TATDN2: variants seen among roughly 807,000 people sequenced by gnomAD.
The protein encoded by TATDN2 is TatD DNase domain containing 2.
Under a neutral mutation model 60.3 loss-of-function variants are expected in TATDN2, and 44 were observed. The observed-to-expected ratio is 0.73, with a 90% CI of 0.57 to 0.94. TATDN2 has a LOEUF of 0.94. Ranked by LOEUF, TATDN2 falls within the 40% of genes least tolerant of loss-of-function variation. The probability of loss-of-function intolerance (pLI) is 0.00; values close to 1 mark genes in which losing one functional copy is unlikely to be tolerated. For missense variants in TATDN2, 997 were observed against 948.0 expected, an observed-to-expected ratio of 1.05 and a Z score of -0.68; for synonymous variants, 399 against 355.8, an observed-to-expected ratio of 1.12 and a Z score of -1.37.
In TATDN2 at chr3:10,270,893, T is replaced by G. The variant is rs762926532; in HGVS notation, c.1711T>G (p.Tyr571Asp). ...CTGTCACCCTCATTTTGCACGTTAC[T>G]ACAGTGAGAGTCAAGAAAGAAATCT... ...FGCHPHFARY[Y>D]SESQERNLLQ... The change falls in exon 4 of 8, where the codon TAC becomes GAC. Residue 571 changes from tyrosine (Y) to aspartate (D), a missense_variant. Transcript: ENST00000448281. 8.7e-6 allele frequency: 14 copies of G among 1,614,068 alleles called. No homozygotes were observed. The highest frequency in any genetic ancestry group is 2.7e-5 in the African/African-American group (2 of 74,916).
intron 3 of TATDN2, 121 bp downstream of exon 3, chr3:10,260,791 C>T: frequency 8.3e-7 from 1 of 1,208,216 alleles, no homozygotes; most frequent in Admixed American, 2.7e-5. Context: ...ACCAGGCCTC[C>T]AGGGAACAAA....
intron 2 of TATDN2, among the ~76,000 whole-genome samples, chr3:10,256,147 C>T (rs1012256298): frequency 1.3e-5 from 2 of 152,074 alleles, no homozygotes; most frequent in East Asian, 1.9e-4. Flanking sequence ...AGGAGGCAGA[C>T]GTTCTTGTGT....
chr3:10,258,680 G>A (rs1330767592), intron 2 of TATDN2, among the ~76,000 whole-genome samples: 3 of 151,954 alleles, frequency 2.0e-5, no homozygotes, highest in Non-Finnish European at 4.4e-5. Flanking sequence ...ATGTTGGCCA[G>A]GCTGGTCTCG....
At position 10,269,400 on chromosome 3, in the gene TATDN2, G is replaced by A. The variant is rs542070523; in HGVS notation, c.949-731G>A. On this transcript the variant is annotated intron_variant, in intron 3 of 7. Transcript: ENST00000448281. Reference sequence around the variant, plus strand: ...AATGGGGAGAAGGGTTAAATAATTCGGGGACACGTTTAAAAACTGTCACAA... The same window carrying A: ...AATGGGGAGAAGGGTTAAATAATTCAGGGACACGTTTAAAAACTGTCACAA... Among the ~76,000 whole-genome samples the A allele has an allele frequency of 2.5e-4, 38 of 152,286 alleles. 1 individual carries two copies. The East Asian group carries it at 5.4e-3, about 22-fold the overall frequency.
At chr3:10,257,293 A>T (rs955193101) in intron 2 of TATDN2, among the ~76,000 whole-genome samples, 1 of 121,612 alleles carries the variant, frequency 8.2e-6, no homozygotes, top group Non-Finnish European at 1.7e-5. Context: ...TCAAAAAAAA[A>T]TTATATATAT....
chr3:10,262,940 A>G (rs6781468), intron 3 of TATDN2, among the ~76,000 whole-genome samples: 129,609 of 152,048 alleles, frequency 0.85, 55,774 homozygotes, highest in East Asian at 1. Flanking sequence ...TTGCTCTGTC[A>G]CCCAGGTTGG....
intron 2 of TATDN2, among the ~76,000 whole-genome samples, chr3:10,251,541 G>A (rs1401996562): frequency 1.3e-5 from 2 of 151,546 alleles, no homozygotes; most frequent in Admixed American, 6.6e-5. Flanking sequence ...GTGCGCTACC[G>A]TGCCCAGCTG....
At chr3:10,262,527 C>CATTT (rs1698421141) in intron 3 of TATDN2, among the ~76,000 whole-genome samples, 1 of 59,976 alleles carries the variant, frequency 1.7e-5, no homozygotes, top group Non-Finnish European at 2.9e-5. Flanking sequence ...TTCTTCTGGG[C>CATTT]TTTTTTTTTT....
chr3:10,249,481 G>A lies in TATDN2; in HGVS notation c.281G>A (p.Gly94Asp). 1 of 1,613,600 alleles carries A rather than the reference G, an allele frequency of 6.2e-7. No homozygotes were observed. Among genetic ancestry groups the A allele is most frequent in the Non-Finnish European group, 8.5e-7 (1 of 1,179,824 alleles). The change falls in exon 2 of 8, where the codon GGC (glycine) becomes GAC (aspartate). Residue 94 changes from glycine (G) to aspartate (D), a missense_variant. By Grantham distance (94) the Gly-to-Asp change is moderately conservative. Transcript: ENST00000448281. ...CCACATTTCTTGGGCCCTGGTGTGG[G>A]CGGGGCCGCCTCCAAAGGCTGCCTG... is the stretch of plus-strand genomic sequence containing the variant. ...FSPHFLGPGV[G>D]GAASKGCLIR...
chr3:10,269,622 G>A (rs1330104544), intron 3 of TATDN2, among the ~76,000 whole-genome samples: 2 of 152,018 alleles, frequency 1.3e-5, no homozygotes, highest in African/African-American at 4.8e-5. Flanking sequence ...GATTACTTGA[G>A]CCCAGTAGTT....
intron 2 of TATDN2, among the ~76,000 whole-genome samples, chr3:10,257,292 A>ATT: frequency 7.0e-6 from 1 of 143,724 alleles, no homozygotes; most frequent in East Asian, 2.1e-4. Flanking sequence ...CTCAAAAAAA[A>ATT]ATTATATATA....
Position 10,270,638 on chromosome 3 carries a change from C to A in TATDN2, c.1456C>A (p.His486Asn). The change falls in exon 4 of 8, where the codon CAC (histidine) becomes AAC (asparagine). Residue 486 changes from histidine (H) to asparagine (N), a missense_variant. Transcript: ENST00000448281. ...GHASSSLPKS[H>N]LEPSLEEGFI... The stretch of plus-strand genomic sequence containing the variant: ...CGCATCCAGCTCCCTGCCAAAGAGC[C>A]ACCTGGAGCCAAGCCTAGAGGAGGG... 6.2e-7 allele frequency: 1 copy of A among 1,614,216 alleles called. No homozygotes were observed. The highest frequency in any genetic ancestry group is 1.1e-5 in the South Asian group (1 of 91,084).
Position 10,257,294 on chromosome 3 carries a change from T to TTATATATATATATA in TATDN2, c.415-2837_415-2824dup, listed in dbSNP as rs3072531. On this transcript the variant is annotated intron_variant, in intron 2 of 7. Transcript: ENST00000448281. ...AGTGAGATTTTGCCTCAAAAAAAAA[T>TTATATATATATATA]TATATATATATATATATATGAATTC... Among the ~76,000 whole-genome samples the TTATATATATATATA allele has an allele frequency of 7.5e-3, 1,007 of 133,530 alleles. 13 individuals carry two copies. Among genetic ancestry groups the TTATATATATATATA allele is most frequent in the African/African-American group, 0.023 (830 of 35,542 alleles). 87.6% of individuals were successfully genotyped at this position (133,530 alleles called of 152,430 possible). A position where few individuals can be genotyped will look rare whatever the true frequency, so the allele number is the denominator to read the frequency against.
intron 2 of TATDN2, among the ~76,000 whole-genome samples, chr3:10,258,690 G>A (rs934459627): frequency 2.0e-5 from 3 of 151,814 alleles, no homozygotes; most frequent in East Asian, 1.9e-4. Context: ...GGCTGGTCTC[G>A]AACTCCTGAT....
In TATDN2 at chr3:10,278,146, C is replaced by G; in HGVS notation, c.1962-133C>G. The G allele has an allele frequency of 1.9e-6, 2 of 1,050,044 alleles. No individual in the cohort carries two copies. Among genetic ancestry groups the G allele is most frequent in the Non-Finnish European group, 2.8e-6 (2 of 717,194 alleles). 65.0% of individuals were successfully genotyped at this position (1,050,044 alleles called of 1,614,324 possible). The stretch of plus-strand genomic sequence containing the variant: ...TGGAGCCAGCCCTTGTCTGTGTTTA[C>G]TGTGGAGTCCTTCCCTAGGATGCAG... On this transcript the variant is annotated intron_variant, in intron 5 of 7. Transcript: ENST00000448281. The surrounding 1 kb of genome is among the most constrained non-coding windows in gnomAD (Gnocchi z 4.7).
rs1461443702 is a variant in TATDN2 at position 10,272,434 on chromosome 3, C to T, written c.1833+1419C>T. Reference sequence around the variant, plus strand: ...GATTACAGGTGCCTGCCACCACACCCGGCTAATTTTTTTTTTTTTTTAAGG... The same window carrying T: ...GATTACAGGTGCCTGCCACCACACCTGGCTAATTTTTTTTTTTTTTTAAGG... On this transcript the variant is annotated intron_variant, in intron 4 of 7. Coordinates refer to ENST00000448281, the MANE Select transcript of TATDN2 (RefSeq NM_014760.4). Among the ~76,000 whole-genome samples, 8 of 129,582 alleles carry T rather than the reference C, an allele frequency of 6.2e-5. No homozygotes were observed. In the East Asian group the frequency reaches 1.5e-3, roughly 24 times the overall value. 85.0% of individuals were successfully genotyped at this position (129,582 alleles called of 152,430 possible).
In TATDN2 at chr3:10,273,525, G is replaced by A. The variant is rs542674980; in HGVS notation, c.1833+2510G>A. Among the ~76,000 whole-genome samples, 29 of 152,172 alleles carry A rather than the reference G, an allele frequency of 1.9e-4. No individual in the cohort carries two copies. The East Asian group carries it at 5.2e-3, about 27-fold the overall frequency. ...TAATCCCAACACTTTGGGAGTCTGA[G>A]GCAGGAGATTGCTTGAGCCTAGGAG... On this transcript the variant is annotated intron_variant, in intron 4 of 7. Transcript: ENST00000448281.
rs983106679 is a variant in TATDN2 at position 10,248,878 on chromosome 3, C to T, written c.-196C>T. 3.0e-6 allele frequency: 1 copy of T among 334,374 alleles called. No individual in the cohort carries two copies. The highest frequency in any genetic ancestry group is 1.4e-4 in the South Asian group (1 of 7,376). The allele number at this position is 334,374 out of a possible 1,614,324, so 20.7% of individuals were successfully genotyped here. On this transcript the variant is annotated 5_prime_UTR_variant, in exon 1 of 8. Transcript: ENST00000448281. The stretch of plus-strand genomic sequence containing the variant: ...AAACTGATCAAAGCGCTTCGTAGCC[C>T]CGGAAGCGCTTAGGCATCTCCGAAG...
Position 10,249,928 on chromosome 3 carries a change from G to C in TATDN2, c.414+314G>C, listed in dbSNP as rs1000569520. The stretch of plus-strand genomic sequence containing the variant: ...GGCTGAGGTGTGGTCTGGGCTTCCA[G>C]ATTTTTCAGTGCTCCCCAGGTTATT... On this transcript the variant is annotated intron_variant, in intron 2 of 7. Coordinates refer to ENST00000448281, the MANE Select transcript of TATDN2 (RefSeq NM_014760.4). Among the ~76,000 whole-genome samples, 11 of 152,312 alleles carry C rather than the reference G, an allele frequency of 7.2e-5. No homozygotes were observed. The East Asian group carries it at 9.6e-4, about 13-fold the overall frequency.
Sources: gnomAD v4.1 joint callset for allele counts (sites outside exome capture counted in the v4.1 genomes callset) on GRCh38, gnomAD v4.1.1 for gene constraint, Gnocchi (gnomAD v3.1) non-coding constraint, MANE v1.5 for transcripts, NCBI Gene and HGNC (gene_info 2026-07-23, HGNC 2026-07-21) for gene names.